Variants in NCK2 observed in about 807,000 individuals in gnomAD.
NCK2 encodes the protein cytoplasmic protein NCK2.
NCK2 carries 16 observed loss-of-function variants against 33.9 expected under a neutral mutation model. That is an observed-to-expected ratio of 0.47 (90% CI 0.32 to 0.72). The LOEUF (loss-of-function observed/expected upper bound fraction) is 0.72, where lower values mean the gene tolerates loss of function less well. NCK2 is among the 30% of genes least tolerant of loss of function. NCK2 has a pLI of 0.03. For synonymous variants in NCK2, 273 were observed against 239.9 expected, an observed-to-expected ratio of 1.14 and a Z score of -1.27; for missense variants, 418 against 537.3, an observed-to-expected ratio of 0.78 and a Z score of 2.19.
chr2:105,767,800 T>C (rs1013141853), intron 1 of NCK2, among the ~76,000 whole-genome samples: 3 of 152,152 alleles, frequency 2.0e-5, no homozygotes, highest in African/African-American at 4.8e-5. Flanking sequence ...AGGAGGAGGA[T>C]ACCCATTGTC....
At chr2:105,773,765 G>T (rs948898949) in intron 1 of NCK2, among the ~76,000 whole-genome samples, 1 of 152,156 alleles carries the variant, frequency 6.6e-6, no homozygotes, top group East Asian at 1.9e-4. Flanking sequence ...GGTGGAAAAG[G>T]AGCACCCAAG....
intron 1 of NCK2, among the ~76,000 whole-genome samples, chr2:105,809,982 G>A (rs1162213436): frequency 5.9e-5 from 9 of 152,304 alleles, no homozygotes; most frequent in Middle Eastern, 3.4e-3. Context: ...GGGCTGTGAT[G>A]TCAGAATGGG....
intron 1 of NCK2, among the ~76,000 whole-genome samples, chr2:105,789,468 C>T (rs1424017609): frequency 6.6e-6 from 1 of 152,190 alleles, no homozygotes; most frequent in Admixed American, 6.5e-5. Flanking sequence ...GGCTTACAGG[C>T]ATGAGCCACC....
At chr2:105,802,003 T>C (rs1674860096) in intron 1 of NCK2, among the ~76,000 whole-genome samples, 1 of 152,216 alleles carries the variant, frequency 6.6e-6, no homozygotes. Flanking sequence ...CCCTGTCACC[T>C]GCTGGTTCAG....
In NCK2 at chr2:105,816,260, C is replaced by T. The variant is rs138897508; in HGVS notation, c.-200-170C>T. Reference sequence around the variant, plus strand: ...GGTGCAAGTTGCCGTGAAGTAAGATCGTACAACCACACTCCAGCCTGGGTG... The same window carrying T: ...GGTGCAAGTTGCCGTGAAGTAAGATTGTACAACCACACTCCAGCCTGGGTG... On this transcript the variant is annotated intron_variant, in intron 1 of 4. Transcript: ENST00000233154. Among the ~76,000 whole-genome samples, 42 of 152,228 alleles carry T rather than the reference C, an allele frequency of 2.8e-4. 1 individual carries two copies. The East Asian group carries it at 8.1e-3, about 29-fold the overall frequency.
At chr2:105,795,302 AT>A (rs58483160) in intron 1 of NCK2, among the ~76,000 whole-genome samples, 33,362 of 151,072 alleles carry the variant, frequency 0.22, 4,759 homozygotes, top group African/African-American at 0.39. Flanking sequence ...TATATTTTTA[AT>A]TTTTTTTTTC....
intron 1 of NCK2, among the ~76,000 whole-genome samples, chr2:105,802,888 T>G (rs1274917176): frequency 6.6e-6 from 1 of 152,086 alleles, no homozygotes; most frequent in East Asian, 1.9e-4. Flanking sequence ...CTGTTTCATC[T>G]GCTGCTTTCT....
chr2:105,798,689 G>A (rs1056223327), intron 1 of NCK2, among the ~76,000 whole-genome samples: 13 of 152,162 alleles, frequency 8.5e-5, no homozygotes, highest in African/African-American at 2.2e-4. Flanking sequence ...TTATGTGGAC[G>A]GTGAATCTCA....
intron 2 of NCK2, among the ~76,000 whole-genome samples, chr2:105,827,889 C>A (rs1043828481): frequency 3.3e-5 from 5 of 152,064 alleles, no homozygotes; most frequent in Non-Finnish European, 5.9e-5. Context: ...TCTTGATTGG[C>A]ATGGTGGTTA....
Position 105,894,270 on chromosome 2 carries a change from C to T in NCK2, c.*1094C>T, listed in dbSNP as rs536365840. ...ATTGTAATAAAAAAAAGTATTATGA[C>T]AAGGCTCTGTGTGTATTTATCTTTG... is the stretch of plus-strand genomic sequence containing the variant. On this transcript the variant is annotated 3_prime_UTR_variant, in exon 5 of 5. Coordinates refer to ENST00000233154, the MANE Select transcript of NCK2 (RefSeq NM_003581.5). 6.5e-6 allele frequency: 1 copy of T among 152,672 alleles called. No individual in the cohort carries two copies. The highest frequency in any genetic ancestry group is 1.5e-5 in the Non-Finnish European group (1 of 68,012). 9.5% of individuals were successfully genotyped at this position (152,672 alleles called of 1,614,324 possible).
intron 1 of NCK2, among the ~76,000 whole-genome samples, chr2:105,809,908 T>A (rs1262833230): frequency 2.6e-5 from 4 of 151,998 alleles, no homozygotes; most frequent in East Asian, 3.9e-4. Context: ...GGAAGGCAGT[T>A]CCCAACACTG....
chr2:105,809,368 G>C (rs973486713), intron 1 of NCK2, among the ~76,000 whole-genome samples: 2 of 152,206 alleles, frequency 1.3e-5, no homozygotes, highest in African/African-American at 4.8e-5. Flanking sequence ...TGCCCTCACA[G>C]TTCTGAAGGC....
chr2:105,821,195 T>C (rs973577284), intron 2 of NCK2, among the ~76,000 whole-genome samples: 6 of 152,248 alleles, frequency 3.9e-5, no homozygotes, highest in African/African-American at 1.4e-4. Context: ...CTACTCACTT[T>C]TATCATATCC....
chr2:105,855,444 G>A, intron 3 of NCK2, 155 bp downstream of exon 3: 1 of 615,080 alleles, frequency 1.6e-6, no homozygotes, highest in South Asian at 2.3e-5. Context: ...ATTAAGAGAT[G>A]AAGATGGAGA....
chr2:105,762,678 G>T (rs1689805114), intron 1 of NCK2, among the ~76,000 whole-genome samples: 1 of 152,236 alleles, frequency 6.6e-6, no homozygotes, highest in South Asian at 2.1e-4. Flanking sequence ...AGTCATCAGA[G>T]AAATGGTCAC....
intron 4 of NCK2, among the ~76,000 whole-genome samples, chr2:105,885,237 C>A (rs750512578): frequency 6.6e-6 from 1 of 152,076 alleles, no homozygotes; most frequent in Non-Finnish European, 1.5e-5. Context: ...TTTTAGTTCC[C>A]GAAGATATCA....
chr2:105,755,105 T>C (rs1286018067), intron 1 of NCK2, among the ~76,000 whole-genome samples: 2 of 152,168 alleles, frequency 1.3e-5, no homozygotes, highest in Non-Finnish European at 2.9e-5. Flanking sequence ...GCTTCTGTTA[T>C]TGTCTTCTTA....
chr2:105,760,961 G>T (rs1314846116), intron 1 of NCK2, among the ~76,000 whole-genome samples: 2 of 152,228 alleles, frequency 1.3e-5, no homozygotes, highest in African/African-American at 2.4e-5. Flanking sequence ...GAGGGCAGTG[G>T]CCTGAAGAAG....
Position 105,832,213 on chromosome 2 carries a change from G to A in NCK2, c.-17+15600G>A, listed in dbSNP as rs539308656. Among the ~76,000 whole-genome samples the A allele has an allele frequency of 2.0e-5, 3 of 152,084 alleles. No homozygotes were observed. In the South Asian group the frequency reaches 6.2e-4, roughly 32 times the overall value. The stretch of plus-strand genomic sequence containing the variant: ...TATAGAAGAAACACTACTGATTTTT[G>A]TATGTTGATTTTAGTATCCTGCAAT... On this transcript the variant is annotated intron_variant, in intron 2 of 4. Coordinates refer to ENST00000233154, the MANE Select transcript of NCK2 (RefSeq NM_003581.5).
Sources: gnomAD v4.1 joint callset for allele counts (sites outside exome capture counted in the v4.1 genomes callset) on GRCh38, gnomAD v4.1.1 for gene constraint, MANE v1.5 for transcripts, NCBI Gene and HGNC (gene_info 2026-07-23, HGNC 2026-07-21) for gene names.